The following DPEP1 variants were observed in gnomAD, a reference collection of about 807,000 sequenced individuals.
DPEP1 encodes beta-lactamase.
Under a neutral mutation model 42.3 loss-of-function variants are expected in DPEP1, and 50 were observed. That is an observed-to-expected ratio of 1.18 (90% confidence interval 0.94 to 1.50). The LOEUF is 1.50. Ranked by LOEUF, DPEP1 falls within the 40% of genes most tolerant of loss-of-function variation. The pLI, the probability that DPEP1 is intolerant of heterozygous loss-of-function variation, is 0.00. For synonymous variants in DPEP1, 297 were observed against 234.0 expected (o/e 1.27, Z -2.46); for missense variants, 663 against 553.0 (o/e 1.20, Z -1.99).
intron 1 of DPEP1, among the ~76,000 whole-genome samples, chr16:89,621,374 T>G (rs780770630): frequency 6.7e-6 from 1 of 150,358 alleles, no homozygotes; most frequent in Non-Finnish European, 1.5e-5. Flanking sequence ...GAGGGAGGCG[T>G]TGGGGGCAGA....
downstream of DPEP1, among the ~76,000 whole-genome samples, chr16:89,638,684 CCACCCCTGCACACACACACACACACCG>C (rs2059715382): frequency 7.5e-6 from 1 of 132,500 alleles, no homozygotes; most frequent in Non-Finnish European, 1.7e-5. Context: ...CACACACACC[CCACCCCTGCACACACACACACACACCG>C]CACCCCTGCA....
At chr16:89,620,641 C>G (rs934641269) in intron 1 of DPEP1, 1 of 152,342 alleles carries the variant, frequency 6.6e-6, no homozygotes, top group East Asian at 1.9e-4. Flanking sequence ...AGCTGGAGAG[C>G]TCCGTGGGTG....
chr16:89,636,666 C>T lies in DPEP1; in HGVS notation c.504C>T (p.His168=), dbSNP rs759576829. The change falls in exon 5 of 11, where the codon CAC becomes CAT. Residue 168 remains histidine (H), a synonymous_variant. Coordinates refer to ENST00000690203, the MANE Select transcript of DPEP1 (RefSeq NM_001389466.1). ...GCATGCGGTACCTGACCCTCACCCA[C>T]AGCTGCAACACGCCCTGGTGCGTGA... ...QLGMRYLTLT[H]SCNTPWADNW... 5.0e-6 allele frequency: 8 copies of T among 1,612,370 alleles called. No homozygotes were observed. In the South Asian group the frequency reaches 8.8e-5, roughly 18 times the overall value.
chr16:89,637,018 G>T (rs1336827285), intron 6 of DPEP1, 83 bp downstream of exon 6: 1 of 1,567,342 alleles, frequency 6.4e-7, no homozygotes, highest in Non-Finnish European at 8.7e-7. Flanking sequence ...ATCTCCTCAC[G>T]TGGGACCTCA....
chr16:89,639,528 C>A (rs1249693439), downstream of DPEP1, among the ~76,000 whole-genome samples: 3 of 126,376 alleles, frequency 2.4e-5, no homozygotes, highest in African/African-American at 9.8e-5. Flanking sequence ...TGCACACACA[C>A]CCCCACCTCT....
At chr16:89,635,701 C>T (rs529075997) in intron 2 of DPEP1, among the ~76,000 whole-genome samples, 10 of 152,278 alleles carry the variant, frequency 6.6e-5, no homozygotes, top group East Asian at 5.8e-4. Context: ...GGGTTCCCTG[C>T]CCTGGGGGTG....
chr16:89,627,997 A>G (rs2059538394), intron 1 of DPEP1, among the ~76,000 whole-genome samples: 1 of 152,016 alleles, frequency 6.6e-6, no homozygotes, highest in Admixed American at 6.5e-5. Flanking sequence ...ATCTCGGCTC[A>G]CTGCAAGCTC....
In DPEP1 at chr16:89,632,170, C is replaced by G. The variant is rs570092012; in HGVS notation, c.104+1656C>G. On this transcript the variant is annotated intron_variant, in intron 2 of 10. Coordinates refer to ENST00000690203, the MANE Select transcript of DPEP1 (RefSeq NM_001389466.1). ...ATTTAAGCAATTCTCCTGCCTCAGC[C>G]TCCTGAGTAGCTGGGATTACAGGCG... Among the ~76,000 whole-genome samples, 298 of 152,306 alleles carry G rather than the reference C, an allele frequency of 2.0e-3. 6 individuals carry two copies. The highest frequency in any genetic ancestry group is 0.017 in the Admixed American group (253 of 15,288).
chr16:89,624,482 G>A (rs1304010810), intron 1 of DPEP1, among the ~76,000 whole-genome samples: 2 of 151,948 alleles, frequency 1.3e-5, no homozygotes, highest in Non-Finnish European at 2.9e-5. Context: ...TTATTAAAGC[G>A]AGAAAGGTCG....
intron 2 of DPEP1, among the ~76,000 whole-genome samples, chr16:89,632,028 T>G (rs1216892507): frequency 2.0e-5 from 3 of 152,100 alleles, no homozygotes; most frequent in Non-Finnish European, 4.4e-5. Context: ...AGCAGGTGAC[T>G]GTCAGGGTCA....
At chr16:89,634,026 T>C (rs2059625325) in intron 2 of DPEP1, among the ~76,000 whole-genome samples, 1 of 151,720 alleles carries the variant, frequency 6.6e-6, no homozygotes, top group Non-Finnish European at 1.5e-5. Context: ...GATGAGATCG[T>C]AGCCTAGAGC....
At chr16:89,618,770 A>G (rs1319141773) in intron 1 of DPEP1, among the ~76,000 whole-genome samples, 1 of 151,990 alleles carries the variant, frequency 6.6e-6, no homozygotes, top group Non-Finnish European at 1.5e-5. Flanking sequence ...AAGTTGCACA[A>G]TTCGCATTTT....
intron 4 of DPEP1, 67 bp downstream of exon 4, chr16:89,636,463 G>GA: frequency 6.3e-7 from 1 of 1,595,636 alleles, no homozygotes; most frequent in Non-Finnish European, 8.5e-7. Context: ...TGAGCAGCAG[G>GA]TGCCGGTCAG....
chr16:89,626,989 T>C (rs553445605), intron 1 of DPEP1, among the ~76,000 whole-genome samples: 2 of 150,222 alleles, frequency 1.3e-5, no homozygotes, highest in East Asian at 2.0e-4. Flanking sequence ...GGGCCAGGTA[T>C]GGTGGCTCAC....
rs3039849 is a variant in DPEP1, at chr16:89,634,091, C to CTTTTTTTTT, written c.105-1809_105-1801dup. Among the ~76,000 whole-genome samples, 668 of 123,496 alleles carry CTTTTTTTTT rather than the reference C, an allele frequency of 5.4e-3. 57 individuals carry two copies. Among genetic ancestry groups the CTTTTTTTTT allele is most frequent in the East Asian group, 0.011 (46 of 4,016 alleles). The allele number at this position is 123,496 out of a possible 152,430, so 81.0% of individuals were successfully genotyped here. A position where few individuals can be genotyped will look rare whatever the true frequency, so the allele number is the denominator to read the frequency against. On this transcript the variant is annotated intron_variant, in intron 2 of 10. Transcript: ENST00000690203. ...TATTTTTCTTTTCTCTTCTCTTCTT[C>CTTTTTTTTT]TTTTTTTTTTTTTTTTGGAGGGAGT...
At chr16:89,620,290 G>A (rs1206504642) in intron 1 of DPEP1, among the ~76,000 whole-genome samples, 1 of 152,050 alleles carries the variant, frequency 6.6e-6, no homozygotes, top group East Asian at 1.9e-4. Context: ...CCAGTGGGGG[G>A]GACACACGAC....
chr16:89,615,740 G>T (rs923529957), intron 1 of DPEP1, among the ~76,000 whole-genome samples: 1 of 152,230 alleles, frequency 6.6e-6, no homozygotes, highest in Non-Finnish European at 1.5e-5. Flanking sequence ...GGCACGTTGG[G>T]ATTTGGCCAC....
chr16:89,629,903 C>T (rs1030537171), intron 1 of DPEP1, among the ~76,000 whole-genome samples: 8 of 152,178 alleles, frequency 5.3e-5, no homozygotes, highest in Non-Finnish European at 1.0e-4. Flanking sequence ...TGGCAAGTCA[C>T]GTAAGATGAT....
At chr16:89,620,180 C>T (rs1458157944) in intron 1 of DPEP1, among the ~76,000 whole-genome samples, 2 of 152,036 alleles carry the variant, frequency 1.3e-5, no homozygotes, top group South Asian at 2.1e-4. Flanking sequence ...GAGATCAACC[C>T]ATCGCACTTA....
Sources: gnomAD v4.1 joint callset for allele counts (sites outside exome capture counted in the v4.1 genomes callset) on GRCh38, gnomAD v4.1.1 for gene constraint, MANE v1.5 for transcripts, NCBI Gene and HGNC (gene_info 2026-07-23, HGNC 2026-07-21) for gene names.